The following ITGB2 variants were observed in gnomAD, a reference collection of about 807,000 sequenced individuals.
ITGB2 encodes integrin subunit beta 2.
In ITGB2, 56 loss-of-function variants were observed where a neutral mutation model predicts 86.8. That is an observed-to-expected ratio of 0.65 (90% confidence interval 0.52 to 0.81). The LOEUF (loss-of-function observed/expected upper bound fraction) is 0.81. Among genes scored for constraint, ITGB2 ranks in the 30% least tolerant of loss-of-function variants. The probability of loss-of-function intolerance (pLI) is 0.00; values close to 1 mark genes in which losing one functional copy is unlikely to be tolerated. For synonymous variants in ITGB2, 457 were observed against 450.4 expected, an observed-to-expected ratio of 1.01 and a Z score of -0.19; for missense variants, 948 against 1,061.2, an observed-to-expected ratio of 0.89 and a Z score of 1.48.
upstream of ITGB2, among the ~76,000 whole-genome samples, chr21:44,924,856 TAGA>T (rs1327444393): frequency 6.6e-6 from 1 of 152,188 alleles, no homozygotes; most frequent in East Asian, 1.9e-4. Flanking sequence ...AAGCAAAATG[TAGA>T]AGGAGGCATT....
chr21:44,900,690 AG>A (rs1197831239), intron 6 of ITGB2, among the ~76,000 whole-genome samples: 1 of 152,146 alleles, frequency 6.6e-6, no homozygotes, highest in Non-Finnish European at 1.5e-5. Context: ...TGTGAGGCGC[AG>A]GGAGTGGAGG....
At chr21:44,907,720 G>A (rs533115686) in intron 3 of ITGB2, among the ~76,000 whole-genome samples, 3 of 152,340 alleles carry the variant, frequency 2.0e-5, no homozygotes, top group East Asian at 1.9e-4. Context: ...CTGGTGATGC[G>A]GGGCCAGAAG....
At chr21:44,905,921 C>T (rs943071433) in intron 4 of ITGB2, among the ~76,000 whole-genome samples, 3 of 152,196 alleles carry the variant, frequency 2.0e-5, no homozygotes, top group African/African-American at 7.2e-5. Flanking sequence ...GGGCAGAGCT[C>T]TGAGCCCCAG....
In ITGB2 at chr21:44,892,314, C is replaced by T. The variant is rs912005948; in HGVS notation, c.1225-318G>A. On this transcript the variant is annotated intron_variant, in intron 10 of 15. Coordinates refer to ENST00000652462, the MANE Select transcript of ITGB2 (RefSeq NM_000211.5). ...CTCAGACCACCCAACATGAGGGAAA[C>T]GTTCTGGTGAGAATCCATGGGACAG... Among the ~76,000 whole-genome samples the T allele has an allele frequency of 3.9e-5, 6 of 152,222 alleles. No individual in the cohort carries two copies. In the East Asian group the frequency reaches 7.7e-4, roughly 20 times the overall value.
chr21:44,895,308 T>C (rs1384103008), intron 8 of ITGB2, among the ~76,000 whole-genome samples: 1 of 152,126 alleles, frequency 6.6e-6, no homozygotes, highest in Non-Finnish European at 1.5e-5. Flanking sequence ...TGTGGGAAGA[T>C]TGCCTGAGCC....
rs116362378 is a variant in ITGB2 at position 44,898,754 on chromosome 21, T to C, written c.993+313A>G. Among the ~76,000 whole-genome samples the C allele has an allele frequency of 2.8e-3, 424 of 152,360 alleles. 3 individuals carry two copies. Among genetic ancestry groups the C allele is most frequent in the African/African-American group, 9.1e-3 (377 of 41,586 alleles). The stretch of plus-strand genomic sequence containing the variant: ...CAAATGTATGTGAGCATAAAATAAG[T>C]GTGTTTCCATAAAATAAAGAATTGT... On this transcript the variant is annotated intron_variant, in intron 8 of 15. Coordinates refer to ENST00000652462, the MANE Select transcript of ITGB2 (RefSeq NM_000211.5).
intron 3 of ITGB2, chr21:44,908,122 G>C (rs764044401): frequency 1.4e-6 from 1 of 730,550 alleles, no homozygotes; most frequent in African/African-American, 1.7e-5. Context: ...GGAGCCACCC[G>C]GCTTCTCCTC....
rs2083998955 is a variant in ITGB2 at position 44,903,590 on chromosome 21, C to T, written c.329-55G>A. ...ACACCTCACATCTCACACAGGGTGT[C>T]TGGGGGCGTGTGGCCCCGAGCGGGC... On this transcript the variant is annotated intron_variant, in intron 4 of 15. Transcript: ENST00000652462. The T allele has an allele frequency of 2.5e-6, 4 of 1,606,776 alleles. No homozygotes were observed. The Admixed American group carries it at 6.7e-5, about 27-fold the overall frequency.
At chr21:44,901,368 A>G (rs1326269106) in intron 6 of ITGB2, 124 bp downstream of exon 6, 3 of 1,265,638 alleles carry the variant, frequency 2.4e-6, no homozygotes, top group South Asian at 1.4e-5. Context: ...TGCTCTCCCC[A>G]GGCCCAGGCT....
chr21:44,924,991 A>C (rs76905515), upstream of ITGB2, among the ~76,000 whole-genome samples: 1,092 of 152,278 alleles, frequency 7.2e-3, 27 homozygotes, highest in East Asian at 0.05. Context: ...TCAAAGTTCT[A>C]TTGTAGAGTT....
At chr21:44,905,751 G>A (rs1433351981) in intron 4 of ITGB2, among the ~76,000 whole-genome samples, 1 of 152,074 alleles carries the variant, frequency 6.6e-6, no homozygotes, top group East Asian at 1.9e-4. Flanking sequence ...GGACACCTGG[G>A]CCCTGCTCCT....
Position 44,889,329 on chromosome 21 carries a change from C to T in ITGB2, c.1824G>A (p.Gln608=). Residue 608 remains glutamine, a synonymous_variant, in exon 13 of 16, where the codon CAG becomes CAA. Coordinates refer to ENST00000652462, the MANE Select transcript of ITGB2 (RefSeq NM_000211.5). ...CGGGGCACTCCTGGCACAGAGGCAG[C>T]TGGTAGCCTGAATGGCACTCGCATA... is the stretch of plus-strand genomic sequence containing the variant. ...CNVCECHSGY[Q]LPLCQECPGC... is the part of the protein sequence containing the mutation. The T allele has an allele frequency of 6.2e-7, 1 of 1,612,940 alleles. No homozygotes were observed. The highest frequency in any genetic ancestry group is 1.3e-5 in the African/African-American group (1 of 75,034).
At chr21:44,898,411 G>C (rs989938874) in intron 8 of ITGB2, among the ~76,000 whole-genome samples, 3 of 152,192 alleles carry the variant, frequency 2.0e-5, no homozygotes, top group African/African-American at 7.2e-5. Context: ...CACCCAGGAG[G>C]GTCGGCTCTG....
Position 44,895,018 on chromosome 21 carries a change from A to G in ITGB2, c.1036T>C (p.Ser346Pro). The G allele has an allele frequency of 6.2e-7, 1 of 1,613,578 alleles. No individual in the cohort carries two copies. The highest frequency in any genetic ancestry group is 1.1e-5 in the South Asian group (1 of 91,062). The stretch of plus-strand genomic sequence containing the variant: ...TGGACCACATTGCTGGAGTCCTCAG[A>G]CAGCTCCCCCACGGCTGACTTGGGG... Reference protein sequence around the residue: ...IIPKSAVGELSEDSSNVVHLI... With the variant: ...IIPKSAVGELPEDSSNVVHLI... The change falls in exon 9 of 16, where the codon TCT (serine) becomes CCT (proline). Residue 346 changes from serine (S) to proline (P), a missense_variant. Physicochemically the swap from Ser to Pro is moderately conservative, Grantham distance 74 (BLOSUM62 -1). Coordinates refer to ENST00000652462, the MANE Select transcript of ITGB2 (RefSeq NM_000211.5).
chr21:44,906,886 C>G (rs750649868), intron 4 of ITGB2, 29 bp downstream of exon 4: 2 of 1,611,866 alleles, frequency 1.2e-6, no homozygotes, highest in African/African-American at 2.7e-5. Flanking sequence ...ACAGACGGTG[C>G]CTGGCACCAC....
intron 3 of ITGB2, among the ~76,000 whole-genome samples, chr21:44,910,035 G>T (rs575341091): frequency 1.3e-5 from 2 of 152,342 alleles, no homozygotes; most frequent in South Asian, 4.1e-4. Context: ...AGAGACAAAG[G>T]GCTCCATGTC....
chr21:44,895,866 G>T (rs1401055531), intron 8 of ITGB2, among the ~76,000 whole-genome samples: 1 of 134,786 alleles, frequency 7.4e-6, no homozygotes, highest in Non-Finnish European at 1.6e-5. Flanking sequence ...GAAATGAAAT[G>T]AAATGAAATA....
intron 3 of ITGB2, among the ~76,000 whole-genome samples, chr21:44,908,402 A>G (rs746829535): frequency 7.4e-6 from 1 of 135,464 alleles, no homozygotes; most frequent in Non-Finnish European, 1.5e-5. Context: ...AACTAATAAT[A>G]TTATTATTAT....
intron 1 of ITGB2, among the ~76,000 whole-genome samples, chr21:44,911,842 G>A (rs967600528): frequency 1.3e-5 from 2 of 152,172 alleles, no homozygotes; most frequent in African/African-American, 4.8e-5. Flanking sequence ...CCACCCCTGG[G>A]TTCCCTTCCC....
Sources: allele counts gnomAD v4.1 joint callset (sites outside exome capture counted in the v4.1 genomes callset), GRCh38; gene constraint gnomAD v4.1.1; transcripts MANE v1.5; gene names NCBI Gene and HGNC (gene_info 2026-07-23, HGNC 2026-07-21).